The following PSEN2 variants were observed in gnomAD, a reference collection of about 807,000 sequenced individuals.
PSEN2 encodes the protein presenilin-2.
A neutral mutation model predicts 49.1 loss-of-function variants in PSEN2; 32 were observed. The observed-to-expected ratio is 0.65, with a 90% CI of 0.49 to 0.88. The LOEUF (loss-of-function observed/expected upper bound fraction) is 0.88. PSEN2 is among the 40% of genes least tolerant of loss of function. The pLI, the probability that PSEN2 is intolerant of heterozygous loss-of-function variation, is 0.00. For synonymous variants in PSEN2, 255 were observed against 244.0 expected (o/e 1.05, Z -0.42); for missense variants, 522 against 586.9 (o/e 0.89, Z 1.14).
intron 2 of PSEN2, 83 bp downstream of exon 2, chr1:226,871,487 C>A (rs527809286): frequency 1.3e-5 from 2 of 152,250 alleles, no homozygotes; most frequent in Non-Finnish European, 2.9e-5. Context: ...GACCTCACCC[C>A]TGTTTATTGC....
At chr1:226,899,714 A>C (rs557394881), downstream of PSEN2, among the ~76,000 whole-genome samples, 6 of 152,296 alleles carry the variant, frequency 3.9e-5, no homozygotes, top group African/African-American at 1.2e-4. Context: ...CAGCTTGGAG[A>C]GGGTGCAATA....
intron 11 of PSEN2, 115 bp downstream of exon 11, chr1:226,891,959 C>T: frequency 2.4e-6 from 2 of 837,694 alleles, no homozygotes; most frequent in South Asian, 2.8e-5. Flanking sequence ...GCCCCTTTTC[C>T]CATCAGAGGC....
chr1:226,883,158 C>G (rs1252548382), intron 4 of PSEN2, among the ~76,000 whole-genome samples: 2 of 152,198 alleles, frequency 1.3e-5, no homozygotes, highest in Admixed American at 6.5e-5. Flanking sequence ...ATGCTTAACA[C>G]CTGTTTAGCC....
chr1:226,891,995 G>T, intron 11 of PSEN2, 151 bp downstream of exon 11: 1 of 700,630 alleles, frequency 1.4e-6, no homozygotes, highest in Non-Finnish European at 2.6e-6. Context: ...GAAGATGCCT[G>T]CAGCGCTGGG....
At position 226,883,689 on chromosome 1, in the gene PSEN2, A is replaced by C; in HGVS notation, c.142-16A>C. The C allele has an allele frequency of 6.2e-7, 1 of 1,612,544 alleles. No homozygotes were observed. ...TGGGGGACATTCTGCGGCCCTCACG[A>C]TGTGGTTTCCCACAGAGAAGCCAGG... On this transcript the variant is annotated splice_polypyrimidine_tract_variant and intron_variant, in intron 4 of 12. Transcript: ENST00000366783.
At chr1:226,896,853 C>T (rs116864282), downstream of PSEN2, among the ~76,000 whole-genome samples, 24 of 152,212 alleles carry the variant, frequency 1.6e-4, no homozygotes, top group East Asian at 4.4e-3. Flanking sequence ...TGAGAAGACG[C>T]AAGTGTGCCC....
intron 3 of PSEN2, among the ~76,000 whole-genome samples, chr1:226,880,875 G>A (rs1660945149): frequency 6.6e-6 from 1 of 152,074 alleles, no homozygotes; most frequent in African/African-American, 2.4e-5. Flanking sequence ...TGCTCTCATG[G>A]CTTAGGTCTC....
chr1:226,889,030 G>A lies in PSEN2; in HGVS notation c.768G>A (p.Leu256=). 6.2e-7 allele frequency: 1 copy of A among 1,613,974 alleles called. No homozygotes were observed. Among genetic ancestry groups the A allele is most frequent in the Non-Finnish European group, 8.5e-7 (1 of 1,179,974 alleles). Residue 256 remains leucine, a synonymous_variant, in exon 8 of 13, where the codon CTG becomes CTA. Coordinates refer to ENST00000366783, the MANE Select transcript of PSEN2 (RefSeq NM_000447.3). ...CAGAGTGGTCCGCGTGGGTCATCCT[G>A]GGCGCCATCTCTGTGTATGGTAGGT... The part of the protein sequence containing the change: ...YLPEWSAWVI[L]GAISVYDLVA...
At chr1:226,901,501 C>A (rs980612135), downstream of PSEN2, among the ~76,000 whole-genome samples, 2 of 150,462 alleles carry the variant, frequency 1.3e-5, no homozygotes, top group African/African-American at 4.9e-5. Flanking sequence ...TCGTGAGAAT[C>A]ACTTGAGCCC....
intron 11 of PSEN2, among the ~76,000 whole-genome samples, chr1:226,892,660 G>T (rs1355520780): frequency 1.3e-5 from 2 of 152,144 alleles, no homozygotes; most frequent in East Asian, 3.9e-4. Context: ...GGAAGGAGGA[G>T]CAGGTGCGCA....
chr1:226,896,225 C>A (rs1321686296), downstream of PSEN2: 1 of 159,114 alleles, frequency 6.3e-6, no homozygotes, highest in East Asian at 1.9e-4. Context: ...TTAATGATCT[C>A]GCCTCTCTGC....
Position 226,890,136 on chromosome 1 carries a change from G to T in PSEN2, c.886+3G>T. ...ATTCCCTGCCCTGATATACTCATGT[G>T]AGTGAGCCCCCCGTGCCTCTGCCTG... On this transcript the variant is annotated splice_donor_region_variant and intron_variant, in intron 9 of 12. Transcript: ENST00000366783. 1 of 1,609,772 alleles carries T rather than the reference G, an allele frequency of 6.2e-7. No homozygotes were observed. The highest frequency in any genetic ancestry group is 2.2e-5 in the East Asian group (1 of 44,854).
Position 226,890,143 on chromosome 1 carries a change from C to T in PSEN2, c.886+10C>T, listed in dbSNP as rs762697051. ...GCCCTGATATACTCATGTGAGTGAGCCCCCCGTGCCTCTGCCTGACTCGGG... is the reference window on the plus strand; with the variant it reads ...GCCCTGATATACTCATGTGAGTGAGTCCCCCGTGCCTCTGCCTGACTCGGG... On this transcript the variant is annotated intron_variant, in intron 9 of 12. Transcript: ENST00000366783. The T allele has an allele frequency of 3.1e-6, 5 of 1,602,058 alleles. No individual in the cohort carries two copies. The highest frequency in any genetic ancestry group is 2.2e-5 in the East Asian group (1 of 44,798).
intron 11 of PSEN2, among the ~76,000 whole-genome samples, chr1:226,892,589 A>G (rs1261425843): frequency 1.3e-5 from 2 of 152,128 alleles, no homozygotes; most frequent in Non-Finnish European, 2.9e-5. Context: ...GTGGCTTGGC[A>G]TACAGGACTC....
chr1:226,893,937 C>A, intron 11 of PSEN2, 70 bp from the exon 12 acceptor site: 1 of 1,395,674 alleles, frequency 7.2e-7, no homozygotes, highest in Non-Finnish European at 1.0e-6. Flanking sequence ...GCCTTCTGGG[C>A]CAGAGTTTCT....
At chr1:226,878,053 A>G (rs1458756653) in intron 3 of PSEN2, among the ~76,000 whole-genome samples, 1 of 152,056 alleles carries the variant, frequency 6.6e-6, no homozygotes, top group African/African-American at 2.4e-5. Context: ...ACTGCTTTCC[A>G]GGGATTGTCT....
chr1:226,883,612 A>C, intron 4 of PSEN2, 93 bp from the exon 5 acceptor site: 1 of 1,232,870 alleles, frequency 8.1e-7, no homozygotes, highest in Non-Finnish European at 1.2e-6. Flanking sequence ...GCAACATTCA[A>C]ACTTCTCATT....
chr1:226,876,311 A>G (rs546589385), intron 3 of PSEN2, among the ~76,000 whole-genome samples: 1 of 152,196 alleles, frequency 6.6e-6, no homozygotes. Context: ...TCCATCCCAG[A>G]TGCTCTGTTT....
intron 3 of PSEN2, chr1:226,880,535 GC>G: frequency 6.4e-7 from 1 of 1,568,794 alleles, no homozygotes; most frequent in South Asian, 1.2e-5. Flanking sequence ...CGATCACTCA[GC>G]CTCTGGACAG....
Sources: allele counts gnomAD v4.1 joint callset (sites outside exome capture counted in the v4.1 genomes callset), GRCh38; gene constraint gnomAD v4.1.1; transcripts MANE v1.5; gene names NCBI Gene and HGNC (gene_info 2026-07-23, HGNC 2026-07-21).